Variants in GRIN2A observed in about 807,000 individuals in gnomAD.
The protein encoded by GRIN2A is glutamate receptor ionotropic, NMDA 2A.
In GRIN2A, 22 loss-of-function variants were observed where a neutral mutation model predicts 113.4. The ratio of observed to expected loss-of-function variants is 0.19; its 90% CI spans 0.14 to 0.28. GRIN2A has a LOEUF of 0.28. GRIN2A is among the 10% of genes least tolerant of loss of function. GRIN2A has a pLI of 1.00. For missense variants in GRIN2A, 1,502 were observed against 1,887.0 expected (o/e 0.80, Z 3.78); for synonymous variants, 827 against 738.4 (o/e 1.12, Z -1.94).
chr16:10,003,009 T>C (rs1039466211), intron 2 of GRIN2A, among the ~76,000 whole-genome samples: 1 of 152,190 alleles, frequency 6.6e-6, no homozygotes, highest in East Asian at 1.9e-4. Context: ...AGCAGAAAAA[T>C]CTGCCATATT....
chr16:9,788,606 T>A (rs1390315607), intron 11 of GRIN2A, among the ~76,000 whole-genome samples: 1 of 151,922 alleles, frequency 6.6e-6, no homozygotes, highest in African/African-American at 2.4e-5. Flanking sequence ...TTCTCCTTTT[T>A]TCCCCCTCTA....
At chr16:9,954,476 A>G (rs1352999238) in intron 2 of GRIN2A, among the ~76,000 whole-genome samples, 1 of 152,180 alleles carries the variant, frequency 6.6e-6, no homozygotes, top group Non-Finnish European at 1.5e-5. Context: ...TCTGATTTGT[A>G]AAGGACCCAG....
chr16:10,107,396 G>A (rs796886681), intron 2 of GRIN2A, among the ~76,000 whole-genome samples: 5 of 152,302 alleles, frequency 3.3e-5, no homozygotes, highest in African/African-American at 9.6e-5. Flanking sequence ...CTCCAACTCT[G>A]GTGTTGAAAC....
chr16:9,840,782 C>T lies in GRIN2A; in HGVS notation c.1516G>A (p.Val506Ile), dbSNP rs368188808. ...ATGGTGAGCGAGCCAACTGCCATGA[C>T]TGCCCGTTGATAGACCACCTGGATG... is the stretch of plus-strand genomic sequence containing the variant. ...MIGEVVYQRA[V>I]MAVGSLTINE... is the part of the protein sequence containing the mutation. Residue 506 changes from valine (V) to isoleucine (I), a missense_variant, in exon 7 of 13, where the codon GTC (valine) becomes ATC (isoleucine). By Grantham distance (29) the Val-to-Ile change is conservative (BLOSUM62 3). This residue lies in a region of GRIN2A where 82 missense variants were observed against 222.7 expected (regional missense o/e 0.37). Transcript: ENST00000330684. 1 of 1,588,046 alleles carries T rather than the reference C, an allele frequency of 6.3e-7. No homozygotes were observed. The highest frequency in any genetic ancestry group is 8.6e-7 in the Non-Finnish European group (1 of 1,165,430).
At chr16:9,912,114 T>C (rs1002862515) in intron 3 of GRIN2A, among the ~76,000 whole-genome samples, 1 of 151,884 alleles carries the variant, frequency 6.6e-6, no homozygotes, top group Non-Finnish European at 1.5e-5. Context: ...GTGATGGTGA[T>C]GATGGTGGTG....
chr16:9,976,038 C>G (rs1395287062), intron 2 of GRIN2A, among the ~76,000 whole-genome samples: 2 of 152,156 alleles, frequency 1.3e-5, no homozygotes, highest in African/African-American at 2.4e-5. Context: ...ATAGACAACT[C>G]CACAATCACA....
intron 2 of GRIN2A, among the ~76,000 whole-genome samples, chr16:10,150,753 A>C (rs1450666023): frequency 6.6e-6 from 1 of 152,078 alleles, no homozygotes; most frequent in Non-Finnish European, 1.5e-5. Context: ...ATCCATCCAC[A>C]GCACTCTCTG....
intron 4 of GRIN2A, among the ~76,000 whole-genome samples, chr16:9,850,849 T>G (rs2042870930): frequency 6.6e-6 from 1 of 152,156 alleles, no homozygotes; most frequent in African/African-American, 2.4e-5. Flanking sequence ...TTTTGAACCT[T>G]AATTTTATTT....
chr16:10,044,647 G>A (rs2047227927), intron 2 of GRIN2A, among the ~76,000 whole-genome samples: 1 of 148,950 alleles, frequency 6.7e-6, no homozygotes, highest in South Asian at 2.2e-4. Flanking sequence ...CCAATGTCTG[G>A]TTCATACTAG....
At chr16:10,129,484 T>A (rs1460465587) in intron 2 of GRIN2A, among the ~76,000 whole-genome samples, 1 of 152,130 alleles carries the variant, frequency 6.6e-6, no homozygotes, top group Non-Finnish European at 1.5e-5. Context: ...TGAACTTGGA[T>A]GATCATGAAC....
At chr16:9,992,106 C>A (rs2046126899) in intron 2 of GRIN2A, among the ~76,000 whole-genome samples, 1 of 152,140 alleles carries the variant, frequency 6.6e-6, no homozygotes, top group South Asian at 2.1e-4. Context: ...AAGTTCCCTC[C>A]ATGTTGCTTC....
chr16:9,821,445 G>C (rs922940754), intron 10 of GRIN2A, among the ~76,000 whole-genome samples: 2 of 152,110 alleles, frequency 1.3e-5, no homozygotes, highest in African/African-American at 4.8e-5. Context: ...CTTTAGCAAA[G>C]GAAGGGGTAG....
At chr16:10,120,845 C>T (rs35102700) in intron 2 of GRIN2A, among the ~76,000 whole-genome samples, 13,903 of 151,932 alleles carry the variant, frequency 0.092, 670 homozygotes, top group Middle Eastern at 0.11. Flanking sequence ...CACTCCCCTG[C>T]CCCATGGTCC....
intron 2 of GRIN2A, among the ~76,000 whole-genome samples, chr16:10,161,375 C>T (rs1097846): frequency 0.98 from 148,922 of 152,314 alleles, 72,882 homozygotes; most frequent in East Asian, 1. Flanking sequence ...GTCTTGGGTA[C>T]GTCTTCATTA....
chr16:9,941,717 T>C (rs1490866242), intron 2 of GRIN2A, among the ~76,000 whole-genome samples: 2 of 152,216 alleles, frequency 1.3e-5, no homozygotes, highest in Non-Finnish European at 2.9e-5. Context: ...TTTTCTCATC[T>C]ATAAAATGGG....
At chr16:9,801,733 G>A (rs9933714) in intron 10 of GRIN2A, among the ~76,000 whole-genome samples, 4,938 of 152,288 alleles carry the variant, frequency 0.032, 280 homozygotes, top group African/African-American at 0.11. Flanking sequence ...GACCAAAGCA[G>A]TTACACATTG....
chr16:9,848,582 C>T (rs945907710), intron 5 of GRIN2A, among the ~76,000 whole-genome samples: 3 of 148,648 alleles, frequency 2.0e-5, no homozygotes, highest in African/African-American at 7.4e-5. Flanking sequence ...TGATGTTTTA[C>T]ATATTTTAAT....
chr16:9,887,538 T>C (rs1426756626), intron 4 of GRIN2A, among the ~76,000 whole-genome samples: 1 of 152,268 alleles, frequency 6.6e-6, no homozygotes, highest in East Asian at 1.9e-4. Flanking sequence ...GGCCATTCTG[T>C]TTTATTAATA....
At chr16:9,977,507 C>A (rs1310123835) in intron 2 of GRIN2A, among the ~76,000 whole-genome samples, 2 of 152,096 alleles carry the variant, frequency 1.3e-5, no homozygotes, top group Non-Finnish European at 2.9e-5. Context: ...TATGTTAAGC[C>A]CTTTATGTGT....
Sources: gnomAD v4.1 joint callset for allele counts (sites outside exome capture counted in the v4.1 genomes callset) on GRCh38, gnomAD v4.1.1 for gene constraint, gnomAD v4.1.1 regional missense constraint, MANE v1.5 for transcripts, NCBI Gene and HGNC (gene_info 2026-07-23, HGNC 2026-07-21) for gene names.